The following NAV3 variants were observed in gnomAD, a reference collection of about 807,000 sequenced individuals.
The protein encoded by NAV3 is pore membrane and/or filament interacting like protein 1.
Under a neutral mutation model 244.7 loss-of-function variants are expected in NAV3, and 87 were observed. The observed-to-expected ratio is 0.36, with a 90% CI of 0.30 to 0.42. The LOEUF is 0.42. NAV3 is among the 20% of genes least tolerant of loss of function. The pLI is 1.00. For synonymous variants in NAV3, 1,126 were observed against 1,042.2 expected (o/e 1.08, Z -1.55); for missense variants, 2,663 against 2,893.3 (o/e 0.92, Z 1.83).
At chr12:77,979,573 A>G (rs11107653) in intron 5 of NAV3, among the ~76,000 whole-genome samples, 2,753 of 152,010 alleles carry the variant, frequency 0.018, 44 homozygotes, top group Non-Finnish European at 0.03. Context: ...TGAGACTTTA[A>G]CCATTAGTCA....
intron 9 of NAV3, among the ~76,000 whole-genome samples, chr12:78,045,302 T>C (rs887274100): frequency 2.0e-5 from 3 of 151,238 alleles, no homozygotes; most frequent in African/African-American, 7.3e-5. Flanking sequence ...GTGGATAAGC[T>C]TTTTTTTTGT....
At chr12:77,707,824 AT>A (rs1240812942) in intron 2 of NAV3, among the ~76,000 whole-genome samples, 1 of 152,056 alleles carries the variant, frequency 6.6e-6, no homozygotes, top group Non-Finnish European at 1.5e-5. Context: ...GAAGGTGAGC[AT>A]TTTTTCATGT....
At chr12:78,097,584 A>C (rs564105511) in intron 12 of NAV3, among the ~76,000 whole-genome samples, 1 of 152,304 alleles carries the variant, frequency 6.6e-6, no homozygotes, top group Non-Finnish European at 1.5e-5. Context: ...AAGAATCTGG[A>C]ATGTTTTTAT....
intron 2 of NAV3, among the ~76,000 whole-genome samples, chr12:77,793,754 T>C (rs770997375): frequency 1.5e-4 from 23 of 152,252 alleles, no homozygotes; most frequent in Non-Finnish European, 3.1e-4. Context: ...TCCAAGTATT[T>C]GCTATTGTGA....
chr12:77,941,351 G>T (rs1889852792), intron 3 of NAV3, among the ~76,000 whole-genome samples: 1 of 152,078 alleles, frequency 6.6e-6, no homozygotes, highest in African/African-American at 2.4e-5. Flanking sequence ...TGTCTTATTA[G>T]ATCCTTGACT....
At chr12:77,920,986 T>C (rs1178070810) in intron 1 of NAV3, among the ~76,000 whole-genome samples, 2 of 152,046 alleles carry the variant, frequency 1.3e-5, no homozygotes, top group African/African-American at 4.8e-5. Flanking sequence ...ATTTTGAACC[T>C]GTGTTTGAAG....
intron 39 of NAV3, 47 bp downstream of exon 39, chr12:78,205,185 G>C: frequency 6.6e-7 from 1 of 1,526,528 alleles, no homozygotes; most frequent in Non-Finnish European, 9.0e-7. Context: ...TGACTACAGT[G>C]TATAGTCATT....
At chr12:77,797,889 C>A (rs1205179415) in intron 2 of NAV3, among the ~76,000 whole-genome samples, 1 of 151,078 alleles carries the variant, frequency 6.6e-6, no homozygotes, top group Non-Finnish European at 1.5e-5. Flanking sequence ...CTTTGTTTTA[C>A]CCGGTACAGT....
chr12:78,184,179 T>C (rs373338175), intron 30 of NAV3, among the ~76,000 whole-genome samples: 4 of 152,064 alleles, frequency 2.6e-5, no homozygotes, highest in African/African-American at 9.6e-5. Context: ...ACTTTCTTTC[T>C]CATCTTGGTA....
intron 5 of NAV3, among the ~76,000 whole-genome samples, chr12:77,987,387 CAGTT>C (rs1870702898): frequency 6.6e-6 from 1 of 152,102 alleles, no homozygotes; most frequent in South Asian, 2.1e-4. Context: ...TCATATTTGT[CAGTT>C]GGTTGTATAG....
intron 3 of NAV3, among the ~76,000 whole-genome samples, chr12:77,954,388 G>A (rs566512259): frequency 5.3e-5 from 8 of 152,312 alleles, no homozygotes; most frequent in African/African-American, 1.9e-4. Flanking sequence ...GTGGTAGTAA[G>A]CATAATGAGG....
At chr12:78,020,091 TTC>T (rs1479814424) in intron 8 of NAV3, among the ~76,000 whole-genome samples, 1 of 152,170 alleles carries the variant, frequency 6.6e-6, no homozygotes, top group Non-Finnish European at 1.5e-5. Context: ...GAATAGAATA[TTC>T]CTTTGCTGAA....
rs189852993 is a variant in NAV3 at position 78,106,868 on chromosome 12, G to A, written c.2637-9904G>A. On this transcript the variant is annotated intron_variant, in intron 12 of 39. Coordinates refer to ENST00000397909, the MANE Select transcript of NAV3 (RefSeq NM_001024383.2). ...CCTGAAGCCTGGCCCACCTGACACT[G>A]CAGTCCTCAGCACAGCTTCATCACA... Among the ~76,000 whole-genome samples the A allele has an allele frequency of 2.6e-3, 389 of 152,248 alleles. 1 individual carries two copies. Among genetic ancestry groups the A allele is most frequent in the Non-Finnish European group, 3.7e-3 (249 of 68,016 alleles).
At position 77,582,770 on chromosome 12, in the gene NAV3, A is replaced by G. The variant is rs370954659; in HGVS notation, c.72+10504A>G. Among the ~76,000 whole-genome samples the G allele has an allele frequency of 1.2e-4, 19 of 152,162 alleles. No homozygotes were observed. In the East Asian group the frequency reaches 1.5e-3, roughly 12 times the overall value. On this transcript the variant is annotated intron_variant, in intron 2 of 8. Transcript: ENST00000550042. The stretch of plus-strand genomic sequence containing the variant: ...CTCCTGTAGTGAAGCAGGATGTTCT[A>G]TTGGACCAAGTTCACATTTGGTATT...
intron 16 of NAV3, among the ~76,000 whole-genome samples, chr12:78,125,146 G>C (rs1484765481): frequency 1.3e-5 from 2 of 152,110 alleles, no homozygotes; most frequent in Non-Finnish European, 2.9e-5. Context: ...TTAATTAATT[G>C]ATCAGTAGAA....
chr12:77,741,088 G>A (rs1333840415), intron 2 of NAV3, among the ~76,000 whole-genome samples: 1 of 126,398 alleles, frequency 7.9e-6, no homozygotes, highest in African/African-American at 2.9e-5. Flanking sequence ...TTCTAACTAG[G>A]TATAAAGAAT....
chr12:77,939,725 G>A (rs534889317), intron 1 of NAV3, among the ~76,000 whole-genome samples: 6 of 152,228 alleles, frequency 3.9e-5, no homozygotes, highest in Non-Finnish European at 8.8e-5. Context: ...TGTAATTTCT[G>A]TGTAATAACT....
In NAV3 at chr12:77,753,169, A is replaced by G. The variant is rs190956639; in HGVS notation, c.72+180903A>G. Among the ~76,000 whole-genome samples the G allele has an allele frequency of 5.3e-5, 8 of 152,336 alleles. No homozygotes were observed. In the East Asian group the frequency reaches 1.5e-3, roughly 29 times the overall value. ...AAGAAACTGACAACACATAGAAAGTAAAAAAGAATTCCTACAAACTTTACC... is the reference window on the plus strand; with the variant it reads ...AAGAAACTGACAACACATAGAAAGTGAAAAAGAATTCCTACAAACTTTACC... On this transcript the variant is annotated intron_variant, in intron 2 of 8. Coordinates refer to the NAV3 transcript ENST00000550042.
chr12:77,771,177 T>C (rs1428323875), intron 2 of NAV3, among the ~76,000 whole-genome samples: 3 of 152,142 alleles, frequency 2.0e-5, no homozygotes, highest in Non-Finnish European at 4.4e-5. Flanking sequence ...TCATCATCAC[T>C]AGCCATCAGA....
Sources: gnomAD v4.1 joint callset for allele counts (sites outside exome capture counted in the v4.1 genomes callset) on GRCh38, gnomAD v4.1.1 for gene constraint, MANE v1.5 for transcripts, NCBI Gene and HGNC (gene_info 2026-07-23, HGNC 2026-07-21) for gene names.